The following NRG2 variants were observed in gnomAD, a reference collection of about 807,000 sequenced individuals.
NRG2 encodes the protein neuregulin 2, also known as pro-neuregulin-2, membrane-bound isoform.
NRG2 carries 27 observed loss-of-function variants against 73.9 expected under a neutral mutation model. The ratio of observed to expected loss-of-function variants is 0.37; its 90% CI spans 0.27 to 0.50. The LOEUF is 0.50. NRG2 is among the 20% of genes least tolerant of loss of function. NRG2 has a pLI of 0.96. For missense variants in NRG2, 1,126 were observed against 1,210.1 expected (o/e 0.93, Z 1.03); for synonymous variants, 532 against 541.0 (o/e 0.98, Z 0.23).
At chr5:139,996,126 A>G (rs1296024871) in intron 1 of NRG2, among the ~76,000 whole-genome samples, 1 of 152,262 alleles carries the variant, frequency 6.6e-6, no homozygotes, top group Non-Finnish European at 1.5e-5. Context: ...GTTAATGCAC[A>G]TGTAGCAAAA....
intron 1 of NRG2, among the ~76,000 whole-genome samples, chr5:139,978,079 C>A (rs1756512521): frequency 6.6e-6 from 1 of 152,038 alleles, no homozygotes; most frequent in Admixed American, 6.6e-5. Flanking sequence ...GCAACAAAAG[C>A]CAAAATTGAC....
rs141193374 is a variant in NRG2 at position 139,934,963 on chromosome 5, G to A, written c.701-47452C>T. 4.1e-3 allele frequency among the ~76,000 whole-genome samples: 620 copies of A among 152,264 alleles called. 3 individuals carry two copies. The highest frequency in any genetic ancestry group is 0.015 in the African/African-American group (603 of 41,558). On this transcript the variant is annotated intron_variant, in intron 1 of 9. Transcript: ENST00000361474. ...GCAGATCACCTGAGGTCAGGAGTTC[G>A]AAACCAGCCTGGCCAAAATGGCGAA...
chr5:139,990,732 T>A (rs1295599183), intron 1 of NRG2, among the ~76,000 whole-genome samples: 3 of 152,366 alleles, frequency 2.0e-5, no homozygotes, highest in Admixed American at 2.0e-4. Flanking sequence ...TTAATTTGCA[T>A]CTCCCTGATC....
intron 1 of NRG2, among the ~76,000 whole-genome samples, chr5:140,014,922 C>T (rs1440987223): frequency 2.0e-5 from 3 of 152,242 alleles, no homozygotes; most frequent in Non-Finnish European, 4.4e-5. Flanking sequence ...AAACTCCGCT[C>T]ATTCTACTGT....
At chr5:139,994,414 C>G (rs1370735471) in intron 1 of NRG2, among the ~76,000 whole-genome samples, 1 of 152,142 alleles carries the variant, frequency 6.6e-6, no homozygotes, top group Non-Finnish European at 1.5e-5. Flanking sequence ...AACACTGGTG[C>G]TTAGTGAAGG....
chr5:140,028,449 G>A (rs1488924245), intron 1 of NRG2, among the ~76,000 whole-genome samples: 1 of 152,160 alleles, frequency 6.6e-6, no homozygotes, highest in Non-Finnish European at 1.5e-5. Flanking sequence ...TGGTGTGGAG[G>A]ACAGATAACT....
intron 1 of NRG2, among the ~76,000 whole-genome samples, chr5:139,927,835 C>A (rs1480332481): frequency 6.6e-6 from 1 of 151,914 alleles, no homozygotes; most frequent in African/African-American, 2.4e-5. Flanking sequence ...CTCTGGTCCC[C>A]TCTACCCTTG....
intron 1 of NRG2, among the ~76,000 whole-genome samples, chr5:139,937,656 C>A (rs1752943908): frequency 6.6e-6 from 1 of 152,064 alleles, no homozygotes; most frequent in African/African-American, 2.4e-5. Flanking sequence ...TGTATATTAA[C>A]AGTGATTACC....
In NRG2 at chr5:139,856,054, G is replaced by C. The variant is rs944564451; in HGVS notation, c.1190-276C>G. On this transcript the variant is annotated intron_variant, in intron 5 of 9. Transcript: ENST00000361474. The surrounding 1 kb of genome is among the most constrained non-coding windows in gnomAD (Gnocchi z 4.2). ...CCCCATGCCTGCCCAGAGCACATGA[G>C]TGGAAAATGCAGGGGAATGGGAAGG... is the stretch of plus-strand genomic sequence containing the variant. 1.1e-5 allele frequency: 5 copies of C among 466,836 alleles called. No individual in the cohort carries two copies. Among genetic ancestry groups the C allele is most frequent in the Admixed American group, 3.3e-5 (1 of 30,622 alleles). The allele number at this position is 466,836 out of a possible 1,614,324, so 28.9% of individuals were successfully genotyped here.
intron 5 of NRG2, among the ~76,000 whole-genome samples, chr5:139,857,748 G>C (rs1761897236): frequency 6.6e-6 from 1 of 151,994 alleles, no homozygotes; most frequent in Non-Finnish European, 1.5e-5. Context: ...ACTCTTCCCA[G>C]CTCATGGATG....
chr5:139,889,894 G>A (rs569968811), intron 1 of NRG2, among the ~76,000 whole-genome samples: 73 of 152,298 alleles, frequency 4.8e-4, no homozygotes, highest in African/African-American at 1.7e-3. Flanking sequence ...TGGCTGTGAG[G>A]ATTATATGAG....
Position 139,848,369 on chromosome 5 carries a change from G to GCAGGCTGCC in NRG2, c.2092_2100dup (p.Gly698_Leu700dup), listed in dbSNP as rs1169976945. 9.7e-6 allele frequency: 12 copies of GCAGGCTGCC among 1,239,952 alleles called. No individual in the cohort carries two copies. The highest frequency in any genetic ancestry group is 4.4e-5 in the Admixed American group (1 of 22,792). 76.8% of individuals were successfully genotyped at this position (1,239,952 alleles called of 1,614,324 possible). On this transcript the variant is annotated inframe_insertion, in exon 10 of 10. Coordinates refer to ENST00000361474, the MANE Select transcript of NRG2 (RefSeq NM_004883.3). ...TCGGGGATGCGGAAGGGGCTGGCAG[G>GCAGGCTGCC]CAGGCTGCCCAGGCTGCCGCCGAGC...
intron 6 of NRG2, among the ~76,000 whole-genome samples, chr5:139,854,371 G>A (rs893784097): frequency 6.6e-6 from 1 of 152,254 alleles, no homozygotes; most frequent in African/African-American, 2.4e-5. Flanking sequence ...GCCAAGGTTA[G>A]GTGACTCTAA....
At chr5:140,018,775 C>T (rs1346119304) in intron 1 of NRG2, among the ~76,000 whole-genome samples, 2 of 152,182 alleles carry the variant, frequency 1.3e-5, no homozygotes, top group African/African-American at 4.8e-5. Flanking sequence ...CACCACCATC[C>T]CCAATCCAGA....
chr5:139,888,015 G>A (rs1763981012), intron 1 of NRG2, among the ~76,000 whole-genome samples: 1 of 152,042 alleles, frequency 6.6e-6, no homozygotes, highest in East Asian at 1.9e-4. Context: ...CTGAGAGGCT[G>A]TCCCCATTTT....
In NRG2 at chr5:139,915,232, T is replaced by C. The variant is rs1751159980; in HGVS notation, c.701-27721A>G. On this transcript the variant is annotated intron_variant, in intron 1 of 9. Coordinates refer to ENST00000361474, the MANE Select transcript of NRG2 (RefSeq NM_004883.3). This position sits in a 1 kb window ranked among gnomAD's most constrained non-coding sequence, Gnocchi z 4.0. ...CATTATCTGACAATCATAATTTTAT[T>C]TTTAAGAGCTTATTACCAAATAGGC... Among the ~76,000 whole-genome samples, 1 of 152,222 alleles carries C rather than the reference T, an allele frequency of 6.6e-6. No homozygotes were observed. The highest frequency in any genetic ancestry group is 1.5e-5 in the Non-Finnish European group (1 of 68,028).
At chr5:139,883,913 T>C (rs1439009518) in intron 2 of NRG2, among the ~76,000 whole-genome samples, 1 of 152,164 alleles carries the variant, frequency 6.6e-6, no homozygotes, top group Non-Finnish European at 1.5e-5. Flanking sequence ...TAGGGGTCCA[T>C]AATACCCAGG....
Position 139,853,479 on chromosome 5 carries a change from AATAG to A in NRG2, c.1293-456_1293-453del, listed in dbSNP as rs994253129. On this transcript the variant is annotated intron_variant, in intron 6 of 9. Coordinates refer to ENST00000361474, the MANE Select transcript of NRG2 (RefSeq NM_004883.3). This position sits in a 1 kb window ranked among gnomAD's most constrained non-coding sequence, Gnocchi z 4.1. Reference sequence around the variant, plus strand: ...CCAGACACTGTTTTGGAGCAGAGACAATAGATAGGTAGATAGGGAATCCACCCTC... The same window carrying A: ...CCAGACACTGTTTTGGAGCAGAGACAATAGGTAGATAGGGAATCCACCCTC... Among the ~76,000 whole-genome samples the A allele has an allele frequency of 6.6e-6, 1 of 152,218 alleles. No individual in the cohort carries two copies. The highest frequency in any genetic ancestry group is 6.5e-5 in the Admixed American group (1 of 15,284).
In NRG2 at chr5:139,954,157, A is replaced by ACGAT. The variant is rs1314687915; in HGVS notation, c.701-66650_701-66647dup. On this transcript the variant is annotated intron_variant, in intron 1 of 9. Transcript: ENST00000361474. The surrounding 1 kb of genome is among the most constrained non-coding windows in gnomAD (Gnocchi z 5.0). The stretch of plus-strand genomic sequence containing the variant: ...GCGGTTCTCTCCCCTTGCCTCCTGC[A>ACGAT]CGATCGTGGCAAGACAACTGCTTCT... Among the ~76,000 whole-genome samples the ACGAT allele has an allele frequency of 1.3e-5, 2 of 152,084 alleles. No individual in the cohort carries two copies. The highest frequency in any genetic ancestry group is 2.9e-5 in the Non-Finnish European group (2 of 67,976).
Sources: allele counts gnomAD v4.1 joint callset (sites outside exome capture counted in the v4.1 genomes callset), GRCh38; gene constraint gnomAD v4.1.1; non-coding constraint Gnocchi (gnomAD v3.1); transcripts MANE v1.5; gene names NCBI Gene and HGNC (gene_info 2026-07-23, HGNC 2026-07-21).